CALN1: variants seen among roughly 807,000 people sequenced by gnomAD.
The protein encoded by CALN1 is calneuron 1.
A neutral mutation model predicts 30.6 loss-of-function variants in CALN1; 17 were observed. That is an observed-to-expected ratio of 0.56 (90% confidence interval 0.38 to 0.83). CALN1 has a LOEUF of 0.83. Ranked by LOEUF, CALN1 falls within the 40% of genes least tolerant of loss-of-function variation. The pLI, the probability that CALN1 is intolerant of heterozygous loss-of-function variation, is 0.00. For missense variants in CALN1, 291 were observed against 354.9 expected (o/e 0.82, Z 1.45); for synonymous variants, 156 against 131.4 (o/e 1.19, Z -1.28).
chr7:72,019,579 T>C (rs1029119706), intron 5 of CALN1, among the ~76,000 whole-genome samples: 2 of 152,160 alleles, frequency 1.3e-5, no homozygotes, highest in African/African-American at 4.8e-5. Flanking sequence ...TCAAGCAGCA[T>C]TGTGGCAAGG....
chr7:72,292,089 A>C (rs1482357563), intron 2 of CALN1, among the ~76,000 whole-genome samples: 1 of 151,948 alleles, frequency 6.6e-6, no homozygotes, highest in Non-Finnish European at 1.5e-5. Flanking sequence ...TAGGTTGTAC[A>C]AGAATAATTG....
intron 5 of CALN1, among the ~76,000 whole-genome samples, chr7:71,813,788 G>A (rs1031297243): frequency 3.9e-5 from 6 of 152,018 alleles, no homozygotes; most frequent in Non-Finnish European, 7.4e-5. Context: ...AAAATTAGCC[G>A]GGCATGGTGG....
chr7:72,461,870 T>C, the CALN1 span, among the ~76,000 whole-genome samples: 256 of 152,246 alleles, frequency 1.7e-3, 1 homozygote, highest in African/African-American at 5.8e-3. Flanking sequence ...TAGCCCAGCA[T>C]GGTTGCGCAC....
At chr7:72,355,431 CAGG>C (rs900985629) in intron 2 of CALN1, among the ~76,000 whole-genome samples, 2 of 152,136 alleles carry the variant, frequency 1.3e-5, no homozygotes, top group Non-Finnish European at 2.9e-5. Flanking sequence ...GAGGCTGAGA[CAGG>C]AGAATTGCTT....
At chr7:72,023,818 CT>C in intron 4 of CALN1, 49 bp from the exon 5 acceptor site, 1 of 1,362,926 alleles carries the variant, frequency 7.3e-7, no homozygotes, top group Non-Finnish European at 1.0e-6. Flanking sequence ...TGAACTTGAC[CT>C]ACCGTACCTG....
At chr7:71,841,972 A>C (rs940795154) in intron 5 of CALN1, among the ~76,000 whole-genome samples, 1 of 152,088 alleles carries the variant, frequency 6.6e-6, no homozygotes, top group Non-Finnish European at 1.5e-5. Context: ...CCATGTAACA[A>C]ACCTGTACAT....
chr7:72,328,473 G>GT (rs1297717199), intron 2 of CALN1, among the ~76,000 whole-genome samples: 1 of 152,196 alleles, frequency 6.6e-6, no homozygotes, highest in Non-Finnish European at 1.5e-5. Flanking sequence ...TGGTACTACT[G>GT]TGAGTGCATC....
At position 72,359,763 on chromosome 7, in the gene CALN1, CAGG is replaced by C. The variant is rs1196753201; in HGVS notation, c.119+43485_119+43487del. 3.3e-5 allele frequency among the ~76,000 whole-genome samples: 5 copies of C among 151,976 alleles called. No homozygotes were observed. In the East Asian group the frequency reaches 9.7e-4, roughly 30 times the overall value. On this transcript the variant is annotated intron_variant, in intron 2 of 6. Transcript: ENST00000395275. ...GGCTGAGGCGAGAGGATCACAAGGT[CAGG>C]AGTTCAAGACCATCCTGCTGAACAC...
At chr7:72,215,021 T>A (rs1007437476) in intron 3 of CALN1, among the ~76,000 whole-genome samples, 1 of 151,920 alleles carries the variant, frequency 6.6e-6, no homozygotes, top group African/African-American at 2.4e-5. Flanking sequence ...ATATTAACAA[T>A]GTAATCATAA....
In CALN1 at chr7:71,791,493, T is replaced by C. The variant is rs139462769; in HGVS notation, c.659-3591A>G. ...CATGTTCTCACTTACAAGTGGGAGC[T>C]GAATGATCAGAACACATGGATGCAA... is the stretch of plus-strand genomic sequence containing the variant. On this transcript the variant is annotated intron_variant, in intron 6 of 6. Transcript: ENST00000395275. Among the ~76,000 whole-genome samples, 371 of 152,182 alleles carry C rather than the reference T, an allele frequency of 2.4e-3. 3 individuals carry two copies. The highest frequency in any genetic ancestry group is 8.5e-3 in the African/African-American group (352 of 41,526).
At chr7:71,800,911 T>TTAGG (rs1444035590) in intron 6 of CALN1, among the ~76,000 whole-genome samples, 1 of 152,168 alleles carries the variant, frequency 6.6e-6, no homozygotes, top group East Asian at 1.9e-4. Flanking sequence ...TATCAACCCA[T>TTAGG]TAGGTAGGTA....
intron 2 of CALN1, among the ~76,000 whole-genome samples, chr7:72,314,688 T>A (rs1443381900): frequency 6.6e-6 from 1 of 151,910 alleles, no homozygotes; most frequent in African/African-American, 2.4e-5. Flanking sequence ...GTGCTGGGAT[T>A]ACAGGCGTGA....
chr7:71,862,542 G>A (rs987715098), intron 5 of CALN1, among the ~76,000 whole-genome samples: 4 of 152,188 alleles, frequency 2.6e-5, no homozygotes, highest in African/African-American at 7.2e-5. Context: ...CCCCAGCCAT[G>A]TGGAACTGTG....
At chr7:72,303,333 T>G (rs1267151997) in intron 2 of CALN1, among the ~76,000 whole-genome samples, 1 of 151,930 alleles carries the variant, frequency 6.6e-6, no homozygotes, top group Non-Finnish European at 1.5e-5. Flanking sequence ...GCATACCAGG[T>G]GGCCAGATCA....
chr7:72,374,141 A>G (rs1348221315), intron 2 of CALN1, among the ~76,000 whole-genome samples: 3 of 152,254 alleles, frequency 2.0e-5, no homozygotes, highest in Non-Finnish European at 4.4e-5. Flanking sequence ...CAGAAGGTGA[A>G]TGATACAGAA....
intron 4 of CALN1, among the ~76,000 whole-genome samples, chr7:72,093,094 A>G (rs1459837547): frequency 2.0e-5 from 3 of 152,118 alleles, no homozygotes; most frequent in African/African-American, 7.2e-5. Flanking sequence ...TGCAAAGGGG[A>G]AAAAAATGGG....
intron 5 of CALN1, among the ~76,000 whole-genome samples, chr7:71,997,245 G>A (rs200180266): frequency 6.0e-5 from 9 of 150,466 alleles, no homozygotes; most frequent in East Asian, 2.0e-4. Context: ...AAAAAAAAAA[G>A]AAAGAAAGAA....
the CALN1 span, among the ~76,000 whole-genome samples, chr7:72,477,225 A>C: frequency 6.6e-6 from 1 of 152,136 alleles, no homozygotes; most frequent in African/African-American, 2.4e-5. Context: ...AAAAGAAAGA[A>C]AAGGTGCATG....
chr7:71,825,008 C>A (rs1378978723), intron 5 of CALN1, among the ~76,000 whole-genome samples: 1 of 152,176 alleles, frequency 6.6e-6, no homozygotes, highest in Non-Finnish European at 1.5e-5. Flanking sequence ...CCAGGCCAAG[C>A]GAGGTCAGTA....
Sources: allele counts gnomAD v4.1 joint callset (sites outside exome capture counted in the v4.1 genomes callset), GRCh38; gene constraint gnomAD v4.1.1; transcripts MANE v1.5; gene names NCBI Gene and HGNC (gene_info 2026-07-23, HGNC 2026-07-21).